Variants in MAP7D2 observed in about 807,000 individuals in gnomAD.
The protein encoded by MAP7D2 is MAP7 domain containing 2, also known as MAP7 domain-containing protein 2.
A neutral mutation model predicts 63.5 loss-of-function variants in MAP7D2; 33 were observed. The observed-to-expected ratio is 0.52, with a 90% CI of 0.39 to 0.70. The LOEUF is 0.70. Ranked by LOEUF, MAP7D2 falls within the 30% of genes least tolerant of loss-of-function variation. MAP7D2 has a pLI of 0.00. For synonymous variants in MAP7D2, 224 were observed against 223.7 expected, an observed-to-expected ratio of 1.00 and a Z score of -0.01; for missense variants, 626 against 604.0, an observed-to-expected ratio of 1.04 and a Z score of -0.38.
chrX:20,091,719 C>T (rs1293843156), intron 1 of MAP7D2, among the ~76,000 whole-genome samples: 1 of 111,505 alleles, frequency 9.0e-6, no homozygotes, highest in Non-Finnish European at 1.9e-5. Context: ...CAAGGGCCTG[C>T]TGGTACTCGT....
At chrX:20,009,455 G>C (rs367676930) in intron 16 of MAP7D2, among the ~76,000 whole-genome samples, 201 of 110,654 alleles carry the variant, frequency 1.8e-3, no homozygotes, top group African/African-American at 6.2e-3. Context: ...CCTGAGCTCA[G>C]GAGTTCGAGA....
chrX:20,029,956 G>A (rs991761367), intron 8 of MAP7D2, among the ~76,000 whole-genome samples: 12 of 112,161 alleles, frequency 1.1e-4, no homozygotes, highest in East Asian at 2.8e-4. Context: ...ACAGGTATCC[G>A]GAAGAAACTA....
In MAP7D2 at chrX:20,033,816, G is replaced by C. The variant is rs192638705; in HGVS notation, c.1008-7864C>G. Among the ~76,000 whole-genome samples the C allele has an allele frequency of 1.2e-4, 13 of 112,437 alleles. 1 individual carries two copies. The East Asian group carries it at 2.5e-3, about 22-fold the overall frequency. On this transcript the variant is annotated intron_variant, in intron 8 of 16. Transcript: ENST00000379643. The stretch of plus-strand genomic sequence containing the variant: ...AGGAATGTCAAAAATACCAGTTTTG[G>C]TGGGGGTTTGTTTTGTGTGTGGCAT...
At position 20,061,182 on chromosome X, in the gene MAP7D2, C is replaced by T. The variant is rs756660550; in HGVS notation, c.372+2232G>A. Among the ~76,000 whole-genome samples, 6 of 105,554 alleles carry T rather than the reference C, an allele frequency of 5.7e-5. No individual in the cohort carries two copies. In the Admixed American group the frequency reaches 6.0e-4, roughly 11 times the overall value. 91.7% of individuals were successfully genotyped at this position (105,554 alleles called of 115,157 possible). ...CTGAGAAGAGAATGGAGAACATCCA[C>T]AGCCAGGCACTGAGCAGGCTGCAGC... On this transcript the variant is annotated intron_variant, in intron 3 of 16. Transcript: ENST00000379643.
chrX:20,026,331 T>C (rs2073843242), intron 8 of MAP7D2, among the ~76,000 whole-genome samples: 2 of 111,514 alleles, frequency 1.8e-5, no homozygotes, highest in Non-Finnish European at 3.8e-5. Flanking sequence ...TTTAAAAAAA[T>C]TGTGACAAAA....
At chrX:20,064,005 G>A (rs1046999680) in intron 2 of MAP7D2, among the ~76,000 whole-genome samples, 1 of 111,991 alleles carries the variant, frequency 8.9e-6, no homozygotes, top group Non-Finnish European at 1.9e-5. Context: ...CAGTTTAACT[G>A]TGTGTGCACC....
rs2065385593 is a variant in MAP7D2 at position 20,067,340 on chromosome X, A to G, written c.131-2535T>C. ...AGGCTTTACAGAGGCTGCTTGTTCC[A>G]CAGACATGCATGATTTTAGGCTGCC... On this transcript the variant is annotated intron_variant, in intron 1 of 16. Coordinates refer to ENST00000379643, the MANE Select transcript of MAP7D2 (RefSeq NM_001168465.2). Among the ~76,000 whole-genome samples, 2 of 112,422 alleles carry G rather than the reference A, an allele frequency of 1.8e-5. 1 individual carries two copies. Among genetic ancestry groups the G allele is most frequent in the Admixed American group, 1.9e-4 (2 of 10,670 alleles).
intron 8 of MAP7D2, among the ~76,000 whole-genome samples, chrX:20,029,147 G>T (rs990586526): frequency 3.6e-5 from 4 of 112,378 alleles, no homozygotes; most frequent in African/African-American, 1.3e-4. Flanking sequence ...TCTGCTTCGG[G>T]GGTCCCTGAA....
chrX:20,112,271 T>C (rs1167951326), intron 1 of MAP7D2, among the ~76,000 whole-genome samples: 1 of 112,044 alleles, frequency 8.9e-6, no homozygotes, highest in East Asian at 2.8e-4. Flanking sequence ...GGACAGACCC[T>C]GTCATTCCAA....
intron 1 of MAP7D2, among the ~76,000 whole-genome samples, chrX:20,089,782 CA>C (rs1162299091): frequency 1.8e-5 from 2 of 112,302 alleles, no homozygotes; most frequent in Non-Finnish European, 3.8e-5. Flanking sequence ...TGGGTTTTTA[CA>C]AAACAATGCC....
intron 8 of MAP7D2, among the ~76,000 whole-genome samples, chrX:20,035,942 GTGTGT>G (rs2074217471): frequency 9.1e-6 from 1 of 109,685 alleles, no homozygotes; most frequent in Admixed American, 9.8e-5. Context: ...GTGTGTGTGT[GTGTGT>G]GTGTGTGTGT....
chrX:20,111,227 C>A (rs966179629), intron 1 of MAP7D2, among the ~76,000 whole-genome samples: 1 of 111,643 alleles, frequency 9.0e-6, no homozygotes, highest in Non-Finnish European at 1.9e-5. Flanking sequence ...TAAGCCCAGG[C>A]AACCCCCAGA....
chrX:20,086,204 A>T (rs1228180191), intron 1 of MAP7D2, among the ~76,000 whole-genome samples: 2 of 111,429 alleles, frequency 1.8e-5, no homozygotes, highest in African/African-American at 6.5e-5. Flanking sequence ...TCCTTTCCTT[A>T]TCCTGTCCCT....
At chrX:20,013,864 G>A (rs142806348) in intron 12 of MAP7D2, among the ~76,000 whole-genome samples, 8 of 112,075 alleles carry the variant, frequency 7.1e-5, no homozygotes, top group African/African-American at 2.3e-4. Context: ...ATCAATATTC[G>A]ATTTATATCC....
chrX:20,029,689 C>A (rs1323827581), intron 8 of MAP7D2, among the ~76,000 whole-genome samples: 1 of 111,478 alleles, frequency 9.0e-6, no homozygotes, highest in Non-Finnish European at 1.9e-5. Context: ...GTCCCCGACC[C>A]CAGCCCCTGC....
chrX:20,044,726 T>TA (rs779581113), intron 6 of MAP7D2, among the ~76,000 whole-genome samples: 2 of 111,714 alleles, frequency 1.8e-5, no homozygotes, highest in Non-Finnish European at 3.8e-5. Flanking sequence ...TTTCAGGGGT[T>TA]AAAAGTCTGT....
At chrX:20,078,273 T>C (rs185752880) in intron 1 of MAP7D2, among the ~76,000 whole-genome samples, 1,594 of 112,759 alleles carry the variant, frequency 0.014, 8 homozygotes, top group Middle Eastern at 0.018. Context: ...ACAAATATTA[T>C]TTAATGCTCA....
intron 16 of MAP7D2, among the ~76,000 whole-genome samples, chrX:20,009,224 C>A (rs1288278512): frequency 9.0e-6 from 1 of 111,537 alleles, no homozygotes; most frequent in Non-Finnish European, 1.9e-5. Flanking sequence ...AACACAGTGA[C>A]CTCAGCTCTG....
chrX:20,073,992 G>A (rs1428264838), intron 1 of MAP7D2, among the ~76,000 whole-genome samples: 14 of 108,042 alleles, frequency 1.3e-4, no homozygotes, highest in African/African-American at 3.3e-4. Flanking sequence ...AAAATTAGCC[G>A]GGCATGGTGG....
Sources: allele counts gnomAD v4.1 joint callset (sites outside exome capture counted in the v4.1 genomes callset), GRCh38; gene constraint gnomAD v4.1.1; transcripts MANE v1.5; gene names NCBI Gene and HGNC (gene_info 2026-07-23, HGNC 2026-07-21).